The following RORA variants were observed in gnomAD, a reference collection of about 807,000 sequenced individuals.
RORA encodes the protein RAR related orphan receptor A, also known as nuclear receptor ROR-alpha.
A neutral mutation model predicts 69.5 loss-of-function variants in RORA; 7 were observed. The ratio of observed to expected loss-of-function variants is 0.10; its 90% CI spans 0.06 to 0.19. RORA has a LOEUF of 0.19. Among genes scored for constraint, RORA ranks in the 10% least tolerant of loss-of-function variants. The probability of loss-of-function intolerance (pLI) is 1.00; values close to 1 mark genes in which losing one functional copy is unlikely to be tolerated. For synonymous variants in RORA, 261 were observed against 240.8 expected (o/e 1.08, Z -0.78); for missense variants, 457 against 663.0 (o/e 0.69, Z 3.41).
chr15:60,589,927 A>T (rs918052186), intron 2 of RORA, among the ~76,000 whole-genome samples: 26 of 152,250 alleles, frequency 1.7e-4, no homozygotes, highest in Non-Finnish European at 1.0e-4. Flanking sequence ...ACTGTCTTAC[A>T]CATGGAACCA....
At chr15:60,781,657 T>C (rs1243476943) in intron 1 of RORA, among the ~76,000 whole-genome samples, 1 of 150,582 alleles carries the variant, frequency 6.6e-6, no homozygotes, top group East Asian at 2.0e-4. Context: ...GTCACAGTTA[T>C]ATAACCCCTG....
intron 1 of RORA, among the ~76,000 whole-genome samples, chr15:60,972,946 T>A (rs1218120401): frequency 6.6e-6 from 1 of 151,528 alleles, no homozygotes; most frequent in Non-Finnish European, 1.5e-5. Context: ...GATCCCCTTC[T>A]CTCTTCAGTT....
At chr15:60,793,218 G>A (rs2072442823) in intron 1 of RORA, among the ~76,000 whole-genome samples, 3 of 152,164 alleles carry the variant, frequency 2.0e-5, no homozygotes. Context: ...GGTGCAGTAT[G>A]TTAGGAGTAG....
chr15:61,140,438 CAT>C (rs2079287303), intron 1 of RORA, among the ~76,000 whole-genome samples: 1 of 152,196 alleles, frequency 6.6e-6, no homozygotes, highest in Non-Finnish European at 1.5e-5. Flanking sequence ...TCTCCTTCAA[CAT>C]ATATTCTGTG....
At chr15:60,607,756 GA>G (rs1203370665) in intron 2 of RORA, among the ~76,000 whole-genome samples, 14 of 152,288 alleles carry the variant, frequency 9.2e-5, no homozygotes, top group Middle Eastern at 6.8e-3. Context: ...ATCATTCTGT[GA>G]AGGTATTTGT....
chr15:60,492,584 A>T lies in RORA; in HGVS notation c.*4871T>A, dbSNP rs1473726483. ...TCTCTCCTCTTATTACTGGATTTTA[A>T]AATTTTCATCCTTAATATGTAGAAT... On this transcript the variant is annotated 3_prime_UTR_variant, in exon 11 of 11. Transcript: ENST00000335670. 6.6e-6 allele frequency: 1 copy of T among 152,108 alleles called. No individual in the cohort carries two copies. Among genetic ancestry groups the T allele is most frequent in the South Asian group, 2.1e-4 (1 of 4,828 alleles). The allele number at this position is 152,108 out of a possible 1,614,324, so 9.4% of individuals were successfully genotyped here. A position where few individuals can be genotyped will look rare whatever the true frequency, so the allele number is the denominator to read the frequency against.
At chr15:60,964,392 G>T (rs1893493170) in intron 1 of RORA, among the ~76,000 whole-genome samples, 1 of 152,210 alleles carries the variant, frequency 6.6e-6, no homozygotes, top group South Asian at 2.1e-4. Context: ...CTGGTGGAAG[G>T]TTGGGGAGGC....
At chr15:60,509,964 C>T (rs1359855267) in intron 5 of RORA, among the ~76,000 whole-genome samples, 1 of 152,126 alleles carries the variant, frequency 6.6e-6, no homozygotes, top group Non-Finnish European at 1.5e-5. Flanking sequence ...TAAAGAGATG[C>T]TTGTGTAAAA....
intron 1 of RORA, among the ~76,000 whole-genome samples, chr15:60,728,999 T>C (rs1201386009): frequency 6.6e-6 from 1 of 152,214 alleles, no homozygotes; most frequent in Non-Finnish European, 1.5e-5. Flanking sequence ...GTTATATCCA[T>C]AGGCGGGATA....
intron 1 of RORA, among the ~76,000 whole-genome samples, chr15:60,900,128 T>C (rs961147947): frequency 1.3e-5 from 2 of 152,224 alleles, no homozygotes; most frequent in Non-Finnish European, 2.9e-5. Flanking sequence ...CTGGCATCAT[T>C]TGGCGCTTTT....
At chr15:60,962,658 T>A (rs1375973098) in intron 1 of RORA, among the ~76,000 whole-genome samples, 3 of 152,234 alleles carry the variant, frequency 2.0e-5, no homozygotes, top group Non-Finnish European at 4.4e-5. Context: ...AAATGAACAC[T>A]TGGCAGCCTG....
At chr15:61,082,787 A>T (rs1171704880) in intron 1 of RORA, among the ~76,000 whole-genome samples, 1 of 152,186 alleles carries the variant, frequency 6.6e-6, no homozygotes, top group Non-Finnish European at 1.5e-5. Flanking sequence ...ATTTCTTTAG[A>T]TTTCTTTTCT....
At chr15:60,700,104 G>T (rs990297684) in intron 1 of RORA, among the ~76,000 whole-genome samples, 3 of 152,178 alleles carry the variant, frequency 2.0e-5, no homozygotes, top group African/African-American at 7.2e-5. Flanking sequence ...GAGAAGTAGT[G>T]GGGGAGAGGA....
chr15:61,033,740 T>A (rs1334090178), intron 1 of RORA, among the ~76,000 whole-genome samples: 1 of 152,122 alleles, frequency 6.6e-6, no homozygotes, highest in Admixed American at 6.5e-5. Flanking sequence ...TACACCAGAT[T>A]TTCCAGATTT....
At chr15:60,519,282 T>C (rs1199187001) in intron 3 of RORA, among the ~76,000 whole-genome samples, 2 of 152,078 alleles carry the variant, frequency 1.3e-5, no homozygotes, top group African/African-American at 4.8e-5. Context: ...TACTAGGCAC[T>C]CTATGCTTTA....
intron 1 of RORA, among the ~76,000 whole-genome samples, chr15:60,899,264 T>C (rs1891318162): frequency 6.6e-6 from 1 of 152,148 alleles, no homozygotes; most frequent in Non-Finnish European, 1.5e-5. Context: ...ACACCCTCAA[T>C]ATGAAGAGCA....
intron 1 of RORA, among the ~76,000 whole-genome samples, chr15:60,978,333 C>T (rs1212927383): frequency 1.3e-5 from 2 of 152,118 alleles, no homozygotes; most frequent in Non-Finnish European, 2.9e-5. Flanking sequence ...TGTCTATTCA[C>T]ACCCTTTGCC....
At chr15:60,931,857 A>C (rs903005929) in intron 1 of RORA, among the ~76,000 whole-genome samples, 1 of 152,216 alleles carries the variant, frequency 6.6e-6, no homozygotes, top group African/African-American at 2.4e-5. Context: ...TCTCCAGCTA[A>C]ATATTGATTC....
intron 1 of RORA, among the ~76,000 whole-genome samples, chr15:60,714,604 A>G (rs943106628): frequency 6.6e-6 from 1 of 151,822 alleles, no homozygotes; most frequent in African/African-American, 2.4e-5. Flanking sequence ...ACCTCAGGTG[A>G]TCCACCCGCC....
Sources: gnomAD v4.1 joint callset for allele counts (sites outside exome capture counted in the v4.1 genomes callset) on GRCh38, gnomAD v4.1.1 for gene constraint, MANE v1.5 for transcripts, NCBI Gene and HGNC (gene_info 2026-07-23, HGNC 2026-07-21) for gene names.